HSD17B11: variants seen among roughly 807,000 people sequenced by gnomAD.
HSD17B11 encodes estradiol 17-beta-dehydrogenase 11.
HSD17B11 carries 22 observed loss-of-function variants against 27.8 expected under a neutral mutation model. That is an observed-to-expected ratio of 0.79 (90% CI 0.56 to 1.13). The LOEUF (loss-of-function observed/expected upper bound fraction) is 1.13, where lower values mean the gene tolerates loss of function less well. HSD17B11 is among the 50% of genes most tolerant of loss of function. HSD17B11 has a pLI of 0.00. For missense variants in HSD17B11, 314 were observed against 351.1 expected, an observed-to-expected ratio of 0.89 and a Z score of 0.84; for synonymous variants, 117 against 132.8, an observed-to-expected ratio of 0.88 and a Z score of 0.82.
At chr4:87,370,652 C>T (rs1486048336) in intron 4 of HSD17B11, among the ~76,000 whole-genome samples, 1 of 151,158 alleles carries the variant, frequency 6.6e-6, no homozygotes, top group African/African-American at 2.4e-5. Context: ...CTCTTGACCT[C>T]GTGATCCGCT....
chr4:87,357,949 A>ATTTTTTTTTTTTTTTT lies in HSD17B11; in HGVS notation c.558-549_558-534dup, dbSNP rs57139706. On this transcript the variant is annotated intron_variant, in intron 4 of 6. Coordinates refer to ENST00000358290, the MANE Select transcript of HSD17B11 (RefSeq NM_016245.5). ...TTGTAACTGAACATTCATTAGAGAA[A>ATTTTTTTTTTTTTTTT]TTTTTTTTTTTTTTTTTTTTTTTTT... Among the ~76,000 whole-genome samples the ATTTTTTTTTTTTTTTT allele has an allele frequency of 8.2e-4, 66 of 80,228 alleles. 6 individuals carry two copies. Among genetic ancestry groups the ATTTTTTTTTTTTTTTT allele is most frequent in the East Asian group, 1.4e-3 (3 of 2,122 alleles). 52.6% of individuals were successfully genotyped at this position (80,228 alleles called of 152,430 possible).
At chr4:87,379,733 T>C (rs1720079638) in intron 2 of HSD17B11, among the ~76,000 whole-genome samples, 1 of 143,970 alleles carries the variant, frequency 6.9e-6, no homozygotes. Context: ...GTATATACTA[T>C]TATTAGTATA....
rs547108382 is a variant in HSD17B11 at position 87,364,364 on chromosome 4, T to C, written c.558-6948A>G. Among the ~76,000 whole-genome samples the C allele has an allele frequency of 3.7e-4, 57 of 152,174 alleles. 2 individuals are homozygous for C. In the South Asian group the frequency reaches 0.012, roughly 32 times the overall value. ...AGATTCCTCTCAAAATCAAAGGCTC[T>C]GTTCTGTTTTGCATTGTGTTATCTG... On this transcript the variant is annotated intron_variant, in intron 4 of 6. Coordinates refer to ENST00000358290, the MANE Select transcript of HSD17B11 (RefSeq NM_016245.5).
At chr4:87,390,687 T>A (rs1207369264) in intron 1 of HSD17B11, among the ~76,000 whole-genome samples, 174 bp downstream of exon 1, 1 of 152,196 alleles carries the variant, frequency 6.6e-6, no homozygotes, top group African/African-American at 2.4e-5. Flanking sequence ...TAGGTCTGTT[T>A]ATCATGTGAT....
chr4:87,365,457 A>G (rs564413542), intron 4 of HSD17B11, among the ~76,000 whole-genome samples: 1 of 152,322 alleles, frequency 6.6e-6, no homozygotes, highest in East Asian at 1.9e-4. Flanking sequence ...TTAAGGACAA[A>G]CTGTTTCTTT....
Position 87,391,095 on chromosome 4 carries a change from G to A in HSD17B11, c.-25C>T. On this transcript the variant is annotated 5_prime_UTR_variant, in exon 1 of 7. Transcript: ENST00000358290. ...TCCCTTTTGTGGCTGCGAGCGTTTG[G>A]TGTGTTTTTTTTTTTTTTTACCACT... 1.3e-6 allele frequency: 2 copies of A among 1,516,772 alleles called. No homozygotes were observed. Among genetic ancestry groups the A allele is most frequent in the Non-Finnish European group, 1.8e-6 (2 of 1,130,050 alleles). The allele number at this position is 1,516,772 out of a possible 1,614,324, so 94.0% of individuals were successfully genotyped here. A position where few individuals can be genotyped will look rare whatever the true frequency, so the allele number is the denominator to read the frequency against.
At position 87,382,353 on chromosome 4, in the gene HSD17B11, C is replaced by T; in HGVS notation, c.220G>A (p.Glu74Lys). The change falls in exon 2 of 7, where the codon GAG (glutamate) becomes AAG (lysine). Residue 74 changes from glutamate (E) to lysine (K), a missense_variant. Coordinates refer to ENST00000358290, the MANE Select transcript of HSD17B11 (RefSeq NM_016245.5). ...VLWDINKHGL[E>K]ETAAKCKGLG... ...CCCTTGCATTTGGCAGCTGTTTCCTCCAGTCCATGCTAGAAAAAGCAAAAA... is the reference window on the plus strand; with the variant it reads ...CCCTTGCATTTGGCAGCTGTTTCCTTCAGTCCATGCTAGAAAAAGCAAAAA... The T allele has an allele frequency of 6.2e-7, 1 of 1,612,922 alleles. No homozygotes were observed. The highest frequency in any genetic ancestry group is 8.5e-7 in the Non-Finnish European group (1 of 1,179,124).
At chr4:87,386,110 C>A (rs550508388) in intron 1 of HSD17B11, among the ~76,000 whole-genome samples, 1 of 152,070 alleles carries the variant, frequency 6.6e-6, no homozygotes, top group African/African-American at 2.4e-5. Context: ...TGCAAAGATA[C>A]CCTTCTTTCA....
chr4:87,384,851 A>G (rs976742033), intron 1 of HSD17B11, among the ~76,000 whole-genome samples: 1 of 151,440 alleles, frequency 6.6e-6, no homozygotes, highest in Admixed American at 6.6e-5. Flanking sequence ...CTTTGTACCT[A>G]CTCCCTGTTC....
Position 87,340,604 on chromosome 4 carries a change from AAAC to A in HSD17B11, c.696-1_697del. On this transcript the variant is annotated splice_acceptor_variant and coding_sequence_variant, in exon 6 of 7. Coordinates refer to ENST00000358290, the MANE Select transcript of HSD17B11 (RefSeq NM_016245.5). LOFTEE classifies it high-confidence loss of function. ...TTCCTCAGGTTCCAGAGTGGGTCCC[AAAC>A]TGAAATCAGAGTCAGTCTTCAGAAA... 1 of 1,604,704 alleles carries A rather than the reference AAAC, an allele frequency of 6.2e-7. No homozygotes were observed. Among genetic ancestry groups the A allele is most frequent in the Non-Finnish European group, 8.5e-7 (1 of 1,173,692 alleles).
At chr4:87,363,592 G>T (rs1446767577) in intron 4 of HSD17B11, among the ~76,000 whole-genome samples, 1 of 152,186 alleles carries the variant, frequency 6.6e-6, no homozygotes, top group Non-Finnish European at 1.5e-5. Context: ...TAACCGCATG[G>T]CAGTACCTTC....
chr4:87,363,350 C>T (rs1008768220), intron 4 of HSD17B11, among the ~76,000 whole-genome samples: 3 of 152,058 alleles, frequency 2.0e-5, no homozygotes, highest in Non-Finnish European at 2.9e-5. Flanking sequence ...TTAATTAATG[C>T]GAAAAAGAAT....
At chr4:87,358,986 G>C (rs1028504738) in intron 4 of HSD17B11, among the ~76,000 whole-genome samples, 2 of 152,080 alleles carry the variant, frequency 1.3e-5, no homozygotes, top group Non-Finnish European at 2.9e-5. Context: ...TCGTGATAGT[G>C]GGGGAGTTCT....
At chr4:87,370,961 C>T (rs1293895512) in intron 4 of HSD17B11, among the ~76,000 whole-genome samples, 1 of 126,728 alleles carries the variant, frequency 7.9e-6, no homozygotes, top group African/African-American at 3.6e-5. Context: ...ACCGTGTTAG[C>T]CAGGATGGTC....
At chr4:87,372,035 G>T (rs1170158733) in intron 4 of HSD17B11, among the ~76,000 whole-genome samples, 1 of 152,064 alleles carries the variant, frequency 6.6e-6, no homozygotes, top group Non-Finnish European at 1.5e-5. Context: ...GAGGTCAGGA[G>T]ATCGAGACCA....
chr4:87,361,505 T>C (rs7678904), intron 4 of HSD17B11, among the ~76,000 whole-genome samples: 2,192 of 152,236 alleles, frequency 0.014, 45 homozygotes, highest in African/African-American at 0.05. Context: ...TGGTGGCTCA[T>C]GCCTGTAATC....
At chr4:87,377,316 G>C (rs1457165626) in intron 2 of HSD17B11, among the ~76,000 whole-genome samples, 1 of 151,944 alleles carries the variant, frequency 6.6e-6, no homozygotes, top group African/African-American at 2.4e-5. Flanking sequence ...TAGGCGTGGT[G>C]ACGTGCACCT....
At chr4:87,383,436 T>A (rs1392753365) in intron 1 of HSD17B11, among the ~76,000 whole-genome samples, 1 of 152,086 alleles carries the variant, frequency 6.6e-6, no homozygotes, top group East Asian at 1.9e-4. Context: ...AAATGTGGCA[T>A]TAGTAGAAAA....
chr4:87,363,029 G>A (rs1375827674), intron 4 of HSD17B11, among the ~76,000 whole-genome samples: 1 of 152,160 alleles, frequency 6.6e-6, no homozygotes, highest in African/African-American at 2.4e-5. Flanking sequence ...CCAACTGGGG[G>A]TAAATTTAAG....
Sources: allele counts gnomAD v4.1 joint callset (sites outside exome capture counted in the v4.1 genomes callset), GRCh38; gene constraint gnomAD v4.1.1; transcripts MANE v1.5; gene names NCBI Gene and HGNC (gene_info 2026-07-23, HGNC 2026-07-21).